The following PRTG variants were observed in gnomAD, a reference collection of about 807,000 sequenced individuals.
The protein encoded by PRTG is protogenin, also known as immunoglobulin superfamily, DCC subclass, member 5.
A neutral mutation model predicts 122.5 loss-of-function variants in PRTG; 67 were observed. The observed-to-expected ratio is 0.55, with a 90% CI of 0.45 to 0.67. The LOEUF (loss-of-function observed/expected upper bound fraction) is 0.67, where lower values mean the gene tolerates loss of function less well. PRTG is among the 30% of genes least tolerant of loss of function. The probability of loss-of-function intolerance (pLI) is 0.00; values close to 1 mark genes in which losing one functional copy is unlikely to be tolerated. For synonymous variants in PRTG, 554 were observed against 501.1 expected (o/e 1.11, Z -1.41); for missense variants, 1,435 against 1,415.4 (o/e 1.01, Z -0.22).
intron 11 of PRTG, among the ~76,000 whole-genome samples, chr15:55,642,136 T>TGCAGTCC (rs538139611): frequency 0.014 from 1,796 of 126,200 alleles, 49 homozygotes; most frequent in African/African-American, 0.059. Flanking sequence ...ATTGCGCCAC[T>TGCAGTCC]GCAGTCCGCA....
rs1567068884 is a variant in PRTG at position 55,615,435 on chromosome 15, T to C, written c.*4577A>G. On this transcript the variant is annotated 3_prime_UTR_variant, in exon 20 of 20. Coordinates refer to ENST00000389286, the MANE Select transcript of PRTG (RefSeq NM_173814.6). ...AAGGGAAATTGAGAAGATTAAAGCC[T>C]GAAACATACACATTGCATTAGCCTG... is the stretch of plus-strand genomic sequence containing the variant. The C allele has an allele frequency of 6.6e-6, 1 of 152,094 alleles. No homozygotes were observed. Among genetic ancestry groups the C allele is most frequent in the East Asian group, 1.9e-4 (1 of 5,194 alleles). 9.4% of individuals were successfully genotyped at this position (152,094 alleles called of 1,614,324 possible). A position where few individuals can be genotyped will look rare whatever the true frequency, so the allele number is the denominator to read the frequency against.
intron 11 of PRTG, among the ~76,000 whole-genome samples, chr15:55,670,607 A>AACTGGT (rs2059463916): frequency 6.6e-6 from 1 of 152,154 alleles, no homozygotes; most frequent in Admixed American, 6.5e-5. Flanking sequence ...TCATTTACAA[A>AACTGGT]ACTGTGTGAC....
intron 2 of PRTG, among the ~76,000 whole-genome samples, chr15:55,730,244 G>A (rs556602393): frequency 3.7e-4 from 56 of 152,090 alleles, no homozygotes; most frequent in Non-Finnish European, 6.8e-4. Flanking sequence ...TGGCATTACA[G>A]GTACTTGCCA....
chr15:55,637,635 C>T (rs1262159310), intron 14 of PRTG, among the ~76,000 whole-genome samples: 1 of 152,026 alleles, frequency 6.6e-6, no homozygotes, highest in African/African-American at 2.4e-5. Flanking sequence ...TGTTTACTTC[C>T]ACAAACAGCA....
intron 2 of PRTG, among the ~76,000 whole-genome samples, chr15:55,684,823 G>C (rs1478402352): frequency 6.6e-6 from 1 of 152,166 alleles, no homozygotes. Flanking sequence ...GATGAGAAAG[G>C]AAAGAGAGAA....
intron 2 of PRTG, among the ~76,000 whole-genome samples, chr15:55,697,358 G>A (rs542755804): frequency 1.5e-4 from 23 of 152,242 alleles, no homozygotes; most frequent in African/African-American, 5.3e-4. Flanking sequence ...ACAGGCACTC[G>A]ATAAAGGTTT....
chr15:55,706,288 G>C (rs2030113560), intron 2 of PRTG, among the ~76,000 whole-genome samples: 1 of 152,010 alleles, frequency 6.6e-6, no homozygotes, highest in African/African-American at 2.4e-5. Context: ...GAGAGTTGGG[G>C]ATGGCATCAA....
intron 9 of PRTG, 136 bp from the exon 10 acceptor site, chr15:55,673,812 T>C: frequency 1.5e-6 from 1 of 657,134 alleles, no homozygotes; most frequent in Admixed American, 2.9e-5. Context: ...AGGTTTTCAG[T>C]GAAACAGAGT....
intron 2 of PRTG, among the ~76,000 whole-genome samples, chr15:55,696,494 C>T (rs749623141): frequency 6.6e-6 from 1 of 152,168 alleles, no homozygotes; most frequent in Admixed American, 6.5e-5. Flanking sequence ...TGACATGCAA[C>T]TGAACATTAA....
At chr15:55,665,224 C>T (rs1289479561) in intron 11 of PRTG, among the ~76,000 whole-genome samples, 1 of 151,968 alleles carries the variant, frequency 6.6e-6, no homozygotes, top group East Asian at 1.9e-4. Context: ...CGCGCCCCTG[C>T]ACTCCAGCCT....
At position 55,617,150 on chromosome 15, in the gene PRTG, T is replaced by C. The variant is rs2059145161; in HGVS notation, c.*2862A>G. On this transcript the variant is annotated 3_prime_UTR_variant, in exon 20 of 20. Transcript: ENST00000389286. Reference sequence around the variant, plus strand: ...CTTAAGACTTCAAAGAAGCTTGATTTGGTCAAGTAAAAAGAAGTCTTTGCT... The same window carrying C: ...CTTAAGACTTCAAAGAAGCTTGATTCGGTCAAGTAAAAAGAAGTCTTTGCT... The C allele has an allele frequency of 6.6e-6, 1 of 152,264 alleles. No individual in the cohort carries two copies. The highest frequency in any genetic ancestry group is 3.4e-3 in the Middle Eastern group (1 of 292). The allele number at this position is 152,264 out of a possible 1,614,324, so 9.4% of individuals were successfully genotyped here.
rs2031365263 is a variant in PRTG at position 55,735,031 on chromosome 15, CCTTT to C, written c.397+5347_397+5350del. ...ATGATTACAACAGCATCTTCCTTTT[CCTTT>C]CTTATTTACCAAGATTAAAATGATG... is the stretch of plus-strand genomic sequence containing the variant. On this transcript the variant is annotated intron_variant, in intron 2 of 19. Transcript: ENST00000389286. Among the ~76,000 whole-genome samples, 3 of 152,188 alleles carry C rather than the reference CCTTT, an allele frequency of 2.0e-5. No individual in the cohort carries two copies. In the South Asian group the frequency reaches 6.2e-4, roughly 32 times the overall value.
chr15:55,741,178 T>A (rs1027749446), intron 1 of PRTG, among the ~76,000 whole-genome samples: 1 of 152,262 alleles, frequency 6.6e-6, no homozygotes, highest in Non-Finnish European at 1.5e-5. Flanking sequence ...TTATCTTTTG[T>A]GACAAATTAC....
intron 2 of PRTG, among the ~76,000 whole-genome samples, chr15:55,720,770 A>G (rs2030786481): frequency 6.6e-6 from 1 of 152,220 alleles, no homozygotes; most frequent in African/African-American, 2.4e-5. Context: ...GTCACACATA[A>G]AACACGCTAA....
At chr15:55,627,531 G>A (rs1273672237) in intron 16 of PRTG, among the ~76,000 whole-genome samples, 3 of 147,196 alleles carry the variant, frequency 2.0e-5, no homozygotes, top group Admixed American at 6.8e-5. Context: ...TAGTAGAGTC[G>A]GGGTTTCACC....
intron 11 of PRTG, among the ~76,000 whole-genome samples, chr15:55,664,169 G>A (rs943151553): frequency 1.3e-5 from 2 of 151,688 alleles, no homozygotes; most frequent in Non-Finnish European, 2.9e-5. Flanking sequence ...TTGAGATGGA[G>A]TTTCACTCGT....
intron 11 of PRTG, among the ~76,000 whole-genome samples, chr15:55,662,690 C>A (rs2059416605): frequency 6.6e-6 from 1 of 152,068 alleles, no homozygotes; most frequent in Non-Finnish European, 1.5e-5. Context: ...AGAGATACAT[C>A]TCAGAAAATG....
intron 2 of PRTG, among the ~76,000 whole-genome samples, chr15:55,709,375 CAA>C (rs1491520065): frequency 6.8e-6 from 1 of 146,306 alleles, no homozygotes; most frequent in African/African-American, 2.5e-5. Context: ...ATAAAATATA[CAA>C]TATATATATA....
At position 55,616,737 on chromosome 15, in the gene PRTG, T is replaced by C. The variant is rs1595595220; in HGVS notation, c.*3275A>G. The stretch of plus-strand genomic sequence containing the variant: ...GGTTTTTTTCTTTTTAATTTGCTGA[T>C]AAAAAGTACTTGAATAAAAACACTG... On this transcript the variant is annotated 3_prime_UTR_variant, in exon 20 of 20. Transcript: ENST00000389286. The C allele has an allele frequency of 6.6e-6, 1 of 152,172 alleles. No homozygotes were observed. The highest frequency in any genetic ancestry group is 1.5e-5 in the Non-Finnish European group (1 of 67,984). 9.4% of individuals were successfully genotyped at this position (152,172 alleles called of 1,614,324 possible).
Sources: gnomAD v4.1 joint callset for allele counts (sites outside exome capture counted in the v4.1 genomes callset) on GRCh38, gnomAD v4.1.1 for gene constraint, MANE v1.5 for transcripts, NCBI Gene and HGNC (gene_info 2026-07-23, HGNC 2026-07-21) for gene names.